Variants in STOM observed in about 807,000 individuals in gnomAD.
STOM encodes erythrocyte band 7 integral membrane protein.
In STOM, 25 loss-of-function variants were observed where a neutral mutation model predicts 30.6. That is an observed-to-expected ratio of 0.82 (90% CI 0.60 to 1.14). The LOEUF (loss-of-function observed/expected upper bound fraction) is 1.14. STOM is among the 50% of genes most tolerant of loss of function. The probability of loss-of-function intolerance (pLI) is 0.00; values close to 1 mark genes in which losing one functional copy is unlikely to be tolerated. For missense variants in STOM, 292 were observed against 365.2 expected, an observed-to-expected ratio of 0.80 and a Z score of 1.63; for synonymous variants, 118 against 130.8, an observed-to-expected ratio of 0.90 and a Z score of 0.67.
Position 121,355,281 on chromosome 9 carries a change from G to A in STOM, c.166-608C>T, listed in dbSNP as rs180759233. Among the ~76,000 whole-genome samples, 35 of 147,666 alleles carry A rather than the reference G, an allele frequency of 2.4e-4. 1 individual carries two copies. In the East Asian group the frequency reaches 6.3e-3, roughly 27 times the overall value. On this transcript the variant is annotated intron_variant, in intron 2 of 6. Coordinates refer to ENST00000286713, the MANE Select transcript of STOM (RefSeq NM_004099.6). ...ATAATAATAATAATCCCAGCTACAC[G>A]GGAGGCTGAGGCAGAAGAATCGCTT...
At chr9:121,363,096 T>C (rs1197410286) in intron 1 of STOM, among the ~76,000 whole-genome samples, 2 of 152,328 alleles carry the variant, frequency 1.3e-5, no homozygotes, top group East Asian at 3.9e-4. Context: ...TCATAAGCAT[T>C]ATCCTACACA....
At chr9:121,355,079 T>C (rs1378405735) in intron 2 of STOM, among the ~76,000 whole-genome samples, 3 of 151,792 alleles carry the variant, frequency 2.0e-5, no homozygotes, top group Non-Finnish European at 2.9e-5. Flanking sequence ...GCCAACATGG[T>C]GAAACCCTGT....
Position 121,341,372 on chromosome 9 carries a change from C to T in STOM, c.697G>A (p.Ala233Thr). 1 of 1,613,728 alleles carries T rather than the reference C, an allele frequency of 6.2e-7. No individual in the cohort carries two copies. ...ATGACCATGGAGGCTTCTTTCAGAG[C>T]CCTGGATGCATTCATTTCTCCTTCG... The part of the protein sequence containing the change: ...AAEGEMNASR[A>T]LKEASMVITE... The change falls in exon 7 of 7, where the codon GCT (alanine) becomes ACT (threonine). Residue 233 changes from alanine (A) to threonine (T), a missense_variant. Transcript: ENST00000286713.
chr9:121,341,430 G>A (rs2064246112), intron 6 of STOM, 22 bp from the exon 7 acceptor site: 1 of 1,611,862 alleles, frequency 6.2e-7, no homozygotes, highest in Admixed American at 1.7e-5. Flanking sequence ...TGAAAGGAGG[G>A]GTTGAACTGG....
intron 1 of STOM, among the ~76,000 whole-genome samples, chr9:121,358,150 A>AT (rs202144366): frequency 6.0e-5 from 9 of 150,970 alleles, no homozygotes; most frequent in African/African-American, 2.2e-4. Context: ...TAAAAAAAAA[A>AT]AAAATAATAA....
intron 1 of STOM, among the ~76,000 whole-genome samples, chr9:121,363,667 A>G (rs1369343173): frequency 1.3e-5 from 2 of 152,238 alleles, no homozygotes; most frequent in Admixed American, 6.5e-5. Flanking sequence ...TTAAAAATAT[A>G]AGAGCTATTT....
intron 5 of STOM, 91 bp downstream of exon 5, chr9:121,349,029 A>G (rs2064314782): frequency 1.4e-6 from 2 of 1,433,434 alleles, no homozygotes; most frequent in Non-Finnish European, 1.9e-6. Context: ...GACCCCCACA[A>G]CTTGAATTAA....
chr9:121,347,988 G>GA (rs1368302952), intron 6 of STOM, 27 bp downstream of exon 6: 1 of 1,582,736 alleles, frequency 6.3e-7, no homozygotes, highest in Non-Finnish European at 8.6e-7. Context: ...AACTCAGTAA[G>GA]AAAAACAAGT....
rs1484592348 is a variant in STOM at position 121,354,528 on chromosome 9, C to A, written c.238+73G>T. On this transcript the variant is annotated intron_variant, in intron 3 of 6. Coordinates refer to ENST00000286713, the MANE Select transcript of STOM (RefSeq NM_004099.6). The stretch of plus-strand genomic sequence containing the variant: ...GAATGAAACCCTGTCTTTAAAAAAA[C>A]AACTACCTAAAAATAAAAAAAATAA... 2.3e-6 allele frequency: 3 copies of A among 1,277,432 alleles called. No individual in the cohort carries two copies. The African/African-American group carries it at 4.6e-5, about 20-fold the overall frequency. The allele number at this position is 1,277,432 out of a possible 1,614,324, so 79.1% of individuals were successfully genotyped here.
chr9:121,355,182 C>T (rs940068422), intron 2 of STOM, among the ~76,000 whole-genome samples: 4 of 146,372 alleles, frequency 2.7e-5, no homozygotes, highest in Admixed American at 1.4e-4. Flanking sequence ...TCACTTGAAC[C>T]GAGATCGCAC....
chr9:121,342,388 C>T (rs2134020425), intron 6 of STOM, among the ~76,000 whole-genome samples: 1 of 150,784 alleles, frequency 6.6e-6, no homozygotes, highest in Non-Finnish European at 1.5e-5. Flanking sequence ...AAAAAATTGA[C>T]TTCTTATTTA....
At chr9:121,346,288 C>T (rs1372206576) in intron 6 of STOM, among the ~76,000 whole-genome samples, 1 of 152,200 alleles carries the variant, frequency 6.6e-6, no homozygotes, top group Non-Finnish European at 1.5e-5. Flanking sequence ...CTGTGCTTGG[C>T]CTCAAGTTTT....
rs753574861 is a variant in STOM, at chr9:121,348,843, AT to A, written c.525+276del. Among the ~76,000 whole-genome samples, 17 of 152,364 alleles carry A rather than the reference AT, an allele frequency of 1.1e-4. No individual in the cohort carries two copies. In the East Asian group the frequency reaches 2.9e-3, roughly 26 times the overall value. ...AGGAATACCTACACTATCTTGCAGA[AT>A]AGCCTCTGTTCTAAACAAAAAGGTT... On this transcript the variant is annotated intron_variant, in intron 5 of 6. Coordinates refer to ENST00000286713, the MANE Select transcript of STOM (RefSeq NM_004099.6).
At chr9:121,361,540 C>G (rs957175573) in intron 1 of STOM, among the ~76,000 whole-genome samples, 15 of 152,004 alleles carry the variant, frequency 9.9e-5, no homozygotes, top group African/African-American at 3.1e-4. Context: ...AGGTGCCCAC[C>G]ACCATGCCTG....
chr9:121,357,424 G>GATATATAGATATATATATAT (rs1554831052), intron 1 of STOM, among the ~76,000 whole-genome samples: 2 of 95,420 alleles, frequency 2.1e-5, no homozygotes, highest in Admixed American at 2.6e-4. Flanking sequence ...ATTTTTAAAT[G>GATATATAGATATATATATAT]ATATATATAT....
chr9:121,357,424 G>GATATTGATAT (rs1554831050), intron 1 of STOM, among the ~76,000 whole-genome samples: 1 of 95,420 alleles, frequency 1.0e-5, no homozygotes, highest in African/African-American at 3.2e-5. Context: ...ATTTTTAAAT[G>GATATTGATAT]ATATATATAT....
intron 6 of STOM, among the ~76,000 whole-genome samples, chr9:121,343,105 C>A (rs2064260693): frequency 6.6e-6 from 1 of 152,136 alleles, no homozygotes; most frequent in Non-Finnish European, 1.5e-5. Flanking sequence ...AGTGACAAGA[C>A]CTGATTTTTG....
intron 1 of STOM, among the ~76,000 whole-genome samples, chr9:121,365,557 G>A (rs1295466382): frequency 1.3e-5 from 2 of 151,338 alleles, no homozygotes; most frequent in African/African-American, 4.9e-5. Context: ...TAAGTCTTTG[G>A]AGGGTAACAT....
chr9:121,357,802 C>T (rs1055178728), intron 1 of STOM, among the ~76,000 whole-genome samples: 16 of 152,040 alleles, frequency 1.1e-4, no homozygotes, highest in African/African-American at 3.9e-4. Context: ...TTCCCTGTAG[C>T]TATTCTCTTT....
Sources: allele counts gnomAD v4.1 joint callset (sites outside exome capture counted in the v4.1 genomes callset), GRCh38; gene constraint gnomAD v4.1.1; transcripts MANE v1.5; gene names NCBI Gene and HGNC (gene_info 2026-07-23, HGNC 2026-07-21).